Variants in RPS6KC1 observed in about 807,000 individuals in gnomAD.
RPS6KC1 encodes ribosomal protein S6 kinase C1, also known as inactive ribosomal protein S6 kinase delta-1.
In RPS6KC1, 54 loss-of-function variants were observed where a neutral mutation model predicts 103.8. The observed-to-expected ratio is 0.52, with a 90% CI of 0.42 to 0.65. The LOEUF is 0.65. Among genes scored for constraint, RPS6KC1 ranks in the 30% least tolerant of loss-of-function variants. The pLI is 0.00. For synonymous variants in RPS6KC1, 439 were observed against 438.7 expected (o/e 1.00, Z -0.01); for missense variants, 1,151 against 1,253.8 (o/e 0.92, Z 1.24).
chr1:213,710,079 A>G, the RPS6KC1 span, among the ~76,000 whole-genome samples: 1 of 152,126 alleles, frequency 6.6e-6, no homozygotes. Context: ...ATCTTTGTTA[A>G]TTTTCTGTCT....
intron 8 of RPS6KC1, among the ~76,000 whole-genome samples, chr1:213,203,796 A>G (rs2093251259): frequency 6.6e-6 from 1 of 152,216 alleles, no homozygotes; most frequent in South Asian, 2.1e-4. Flanking sequence ...TACACTGTTA[A>G]GGGCCCCATT....
the RPS6KC1 span, among the ~76,000 whole-genome samples, chr1:213,769,075 C>A: frequency 6.6e-6 from 1 of 152,138 alleles, no homozygotes; most frequent in African/African-American, 2.4e-5. Context: ...GGCAGCAATT[C>A]TTGACTTAGC....
At chr1:213,759,599 T>C in the RPS6KC1 span, among the ~76,000 whole-genome samples, 1 of 152,184 alleles carries the variant, frequency 6.6e-6, no homozygotes, top group Non-Finnish European at 1.5e-5. Flanking sequence ...TAAAAGGGCT[T>C]AAACCCTGTC....
At chr1:213,083,430 G>A (rs1558282583) in intron 3 of RPS6KC1, among the ~76,000 whole-genome samples, 1 of 152,170 alleles carries the variant, frequency 6.6e-6, no homozygotes, top group African/African-American at 2.4e-5. Flanking sequence ...TTTTTGTACA[G>A]GAATGTCTAT....
the RPS6KC1 span, among the ~76,000 whole-genome samples, chr1:213,557,015 TAGGC>T: frequency 3.3e-5 from 5 of 152,242 alleles, no homozygotes; most frequent in Non-Finnish European, 5.9e-5. Flanking sequence ...TAGGAATTGA[TAGGC>T]AGGTAGACGC....
In RPS6KC1 at chr1:213,272,692, C is replaced by A; in HGVS notation, c.*58C>A. 8.0e-7 allele frequency: 1 copy of A among 1,252,734 alleles called. No individual in the cohort carries two copies. Among genetic ancestry groups the A allele is most frequent in the Non-Finnish European group, 1.2e-6 (1 of 855,498 alleles). 77.6% of individuals were successfully genotyped at this position (1,252,734 alleles called of 1,614,324 possible). A position where few individuals can be genotyped will look rare whatever the true frequency, so the allele number is the denominator to read the frequency against. On this transcript the variant is annotated 3_prime_UTR_variant, in exon 15 of 15. Transcript: ENST00000366960. ...TCTTCTCTGTGACAGGCATCTCCAG[C>A]ACTGAGGCACCTCTGACTCACAGTT...
chr1:213,397,696 G>T, the RPS6KC1 span, among the ~76,000 whole-genome samples: 1 of 151,774 alleles, frequency 6.6e-6, no homozygotes, highest in African/African-American at 2.4e-5. Flanking sequence ...GGAGGTCAAG[G>T]CAAAATGGTA....
chr1:213,419,514 G>C, the RPS6KC1 span, among the ~76,000 whole-genome samples: 3 of 152,154 alleles, frequency 2.0e-5, no homozygotes, highest in Admixed American at 2.0e-4. Flanking sequence ...GAGAGGTTAA[G>C]TGACTGGCAC....
the RPS6KC1 span, among the ~76,000 whole-genome samples, chr1:213,316,873 A>G: frequency 1.3e-5 from 2 of 152,180 alleles, no homozygotes; most frequent in African/African-American, 4.8e-5. Flanking sequence ...AAAGTCCTGC[A>G]GTAGGCATGT....
At chr1:213,264,821 A>G (rs1020756626) in intron 14 of RPS6KC1, among the ~76,000 whole-genome samples, 5 of 152,094 alleles carry the variant, frequency 3.3e-5, no homozygotes, top group African/African-American at 1.2e-4. Context: ...TACGTGGGGG[A>G]AATTTTCTCC....
the RPS6KC1 span, among the ~76,000 whole-genome samples, chr1:213,572,499 T>G: frequency 3.9e-5 from 6 of 152,244 alleles, no homozygotes; most frequent in East Asian, 9.6e-4. Flanking sequence ...GGGGAAATAT[T>G]ATTATGTTCC....
At position 213,242,629 on chromosome 1, in the gene RPS6KC1, A is replaced by T. The variant is rs1202849337; in HGVS notation, c.2882A>T (p.Asp961Val). The T allele has an allele frequency of 2.5e-6, 4 of 1,612,624 alleles. No homozygotes were observed. Among genetic ancestry groups the T allele is most frequent in the Non-Finnish European group, 3.4e-6 (4 of 1,179,286 alleles). The change falls in exon 12 of 15, where the codon GAT becomes GTT. Residue 961 changes from aspartate (D) to valine (V), a missense_variant. By Grantham distance (152) the Asp-to-Val change is radical. Transcript: ENST00000366960. ...GAGGTTGAAGATTCCTGTGACAGCG[A>T]TGCCATAGAGAGAATGTACTGTGCC... ...WSEVEDSCDS[D>V]AIERMYCAPE... is the part of the protein sequence containing the mutation.
chr1:213,452,958 C>A, the RPS6KC1 span, among the ~76,000 whole-genome samples: 1 of 152,124 alleles, frequency 6.6e-6, no homozygotes, highest in East Asian at 1.9e-4. Context: ...TCCAATCTGT[C>A]CATGGATTAC....
At chr1:213,057,752 CTTTT>C (rs869259657) in intron 1 of RPS6KC1, among the ~76,000 whole-genome samples, 2 of 73,700 alleles carry the variant, frequency 2.7e-5, no homozygotes, top group African/African-American at 1.0e-4. Flanking sequence ...TCTGAAGTAT[CTTTT>C]TTTTTTTTTT....
At chr1:213,580,182 C>T in the RPS6KC1 span, among the ~76,000 whole-genome samples, 2 of 151,990 alleles carry the variant, frequency 1.3e-5, no homozygotes, top group Admixed American at 6.5e-5. Flanking sequence ...GGGAGGAGGT[C>T]AAAATATCCA....
At chr1:213,227,907 C>G (rs894102852) in intron 8 of RPS6KC1, among the ~76,000 whole-genome samples, 1 of 152,160 alleles carries the variant, frequency 6.6e-6, no homozygotes, top group African/African-American at 2.4e-5. Context: ...AGTGTAATCT[C>G]TCTGTTTTAA....
the RPS6KC1 span, among the ~76,000 whole-genome samples, chr1:213,830,280 T>G: frequency 6.6e-6 from 1 of 152,212 alleles, no homozygotes; most frequent in African/African-American, 2.4e-5. Flanking sequence ...AAAAACATAC[T>G]GGGCGGGTCA....
At chr1:213,578,886 T>C in the RPS6KC1 span, among the ~76,000 whole-genome samples, 1 of 152,038 alleles carries the variant, frequency 6.6e-6, no homozygotes, top group African/African-American at 2.4e-5. Context: ...GGAAGTCCCA[T>C]GTTGGGAAGG....
chr1:213,068,483 CAAAAAAAAA>C (rs71147057), intron 1 of RPS6KC1, among the ~76,000 whole-genome samples: 7 of 36,360 alleles, frequency 1.9e-4, no homozygotes, highest in African/African-American at 3.4e-4. Flanking sequence ...GACTCTGTCT[CAAAAAAAAA>C]AAAAAAAAAA....
Sources: allele counts gnomAD v4.1 joint callset (sites outside exome capture counted in the v4.1 genomes callset), GRCh38; gene constraint gnomAD v4.1.1; transcripts MANE v1.5; gene names NCBI Gene and HGNC (gene_info 2026-07-23, HGNC 2026-07-21).